The following TECPR2 variants were observed in gnomAD, a reference collection of about 807,000 sequenced individuals.
The protein encoded by TECPR2 is tectonin beta-propeller repeat-containing protein 2.
A neutral mutation model predicts 138.1 loss-of-function variants in TECPR2; 65 were observed. The observed-to-expected ratio is 0.47, with a 90% confidence interval of 0.39 to 0.58. The LOEUF is 0.58. TECPR2 is among the 20% of genes least tolerant of loss of function. The pLI is 0.00. For missense variants in TECPR2, 1,553 were observed against 1,824.5 expected (o/e 0.85, Z 2.71); for synonymous variants, 746 against 749.8 (o/e 0.99, Z 0.08).
chr14:102,376,957 T>A lies in TECPR2; in HGVS notation c.219+17T>A. 6.2e-7 allele frequency: 1 copy of A among 1,604,238 alleles called. No individual in the cohort carries two copies. The highest frequency in any genetic ancestry group is 8.5e-7 in the Non-Finnish European group (1 of 1,176,328). ...AACTTTGAGGTGAGCCTTGCTTTGC[T>A]TTTCACCTGAGGGGGCACGAGCCAT... On this transcript the variant is annotated intron_variant, in intron 2 of 19. Coordinates refer to ENST00000359520, the MANE Select transcript of TECPR2 (RefSeq NM_014844.5).
chr14:102,408,783 C>T (rs1305402005), intron 4 of TECPR2, among the ~76,000 whole-genome samples, 164 bp downstream of exon 4: 2 of 152,216 alleles, frequency 1.3e-5, no homozygotes, highest in East Asian at 1.9e-4. Context: ...GTTTTATAAG[C>T]TTCCACTTCT....
intron 16 of TECPR2, among the ~76,000 whole-genome samples, chr14:102,463,796 C>T (rs890702682): frequency 4.6e-5 from 7 of 151,104 alleles, no homozygotes; most frequent in East Asian, 2.0e-4. Flanking sequence ...TGGTGGCACG[C>T]GCCTGTAATC....
intron 17 of TECPR2, among the ~76,000 whole-genome samples, chr14:102,470,929 C>T (rs1444781596): frequency 3.3e-5 from 5 of 151,984 alleles, no homozygotes; most frequent in Admixed American, 6.6e-5. Flanking sequence ...AGCAGTTCTC[C>T]TGCCTCAGCC....
At chr14:102,466,278 C>T (rs1435594140) in intron 17 of TECPR2, among the ~76,000 whole-genome samples, 1 of 152,140 alleles carries the variant, frequency 6.6e-6, no homozygotes, top group Non-Finnish European at 1.5e-5. Flanking sequence ...CACAGGGAGG[C>T]TTCTCGTCCT....
intron 11 of TECPR2, among the ~76,000 whole-genome samples, chr14:102,442,562 G>A (rs1283915383): frequency 1.3e-5 from 2 of 152,216 alleles, no homozygotes; most frequent in African/African-American, 2.4e-5. Flanking sequence ...GGTGAGGAGC[G>A]AGTGACCTCT....
intron 17 of TECPR2, among the ~76,000 whole-genome samples, chr14:102,484,816 C>G (rs965260987): frequency 3.9e-5 from 6 of 152,162 alleles, no homozygotes; most frequent in African/African-American, 1.4e-4. Flanking sequence ...TGCCACCATG[C>G]CTGGCTAATT....
At chr14:102,454,869 G>A (rs1024211851) in intron 16 of TECPR2, among the ~76,000 whole-genome samples, 45 of 152,208 alleles carry the variant, frequency 3.0e-4, no homozygotes, top group African/African-American at 9.4e-4. Flanking sequence ...CTGCTGCACC[G>A]TGGTGGGATT....
chr14:102,365,684 AGAG>A (rs1275561149), intron 1 of TECPR2, among the ~76,000 whole-genome samples: 13 of 152,344 alleles, frequency 8.5e-5, no homozygotes, highest in African/African-American at 2.4e-4. Context: ...CTGTAGACAG[AGAG>A]GAGATCAGTG....
chr14:102,445,587 A>G lies in TECPR2; in HGVS notation c.2934-219A>G, dbSNP rs1889952791. On this transcript the variant is annotated intron_variant, in intron 12 of 19. Transcript: ENST00000359520. ...GTGTTCCCAGCCATTCTGGGTCATC[A>G]GTGTGTCTTTCAAAAGCTGCCACCC... 1.3e-5 allele frequency among the ~76,000 whole-genome samples: 2 copies of G among 152,026 alleles called. 1 individual carries two copies. The highest frequency in any genetic ancestry group is 4.2e-4 in the South Asian group (2 of 4,814).
chr14:102,422,057 AG>A (rs1266825612), intron 5 of TECPR2, among the ~76,000 whole-genome samples: 2 of 151,670 alleles, frequency 1.3e-5, no homozygotes, highest in Non-Finnish European at 2.9e-5. Context: ...ACGTTTAAAA[AG>A]CTTGAAGTTG....
chr14:102,408,083 C>T (rs1392976950), intron 3 of TECPR2, among the ~76,000 whole-genome samples: 2 of 151,484 alleles, frequency 1.3e-5, no homozygotes, highest in South Asian at 2.1e-4. Context: ...GCAGGAGAAT[C>T]ACTTGAACCC....
chr14:102,495,276 G>A (rs1030708461), intron 17 of TECPR2, among the ~76,000 whole-genome samples: 34 of 152,126 alleles, frequency 2.2e-4, no homozygotes, highest in African/African-American at 7.2e-4. Flanking sequence ...GAGGGAGGGG[G>A]TGGCCCTGTG....
rs1432842394 is a variant in TECPR2, at chr14:102,500,596, G to A, written c.*2339G>A. The A allele has an allele frequency of 6.6e-6, 1 of 152,288 alleles. No homozygotes were observed. Among genetic ancestry groups the A allele is most frequent in the Non-Finnish European group, 1.5e-5 (1 of 68,066 alleles). 9.4% of individuals were successfully genotyped at this position (152,288 alleles called of 1,614,324 possible). A position where few individuals can be genotyped will look rare whatever the true frequency, so the allele number is the denominator to read the frequency against. On this transcript the variant is annotated 3_prime_UTR_variant, in exon 20 of 20. Coordinates refer to ENST00000359520, the MANE Select transcript of TECPR2 (RefSeq NM_014844.5). Reference sequence around the variant, plus strand: ...CAGGACACACCATGTGCCAGGAAATGACCTCAGCAAGAAACCTCAGGCCGT... The same window carrying A: ...CAGGACACACCATGTGCCAGGAAATAACCTCAGCAAGAAACCTCAGGCCGT...
intron 2 of TECPR2, among the ~76,000 whole-genome samples, chr14:102,388,204 C>A (rs1197555050): frequency 6.6e-6 from 1 of 152,180 alleles, no homozygotes; most frequent in Non-Finnish European, 1.5e-5. Context: ...TTGTTGATAA[C>A]ATTACCATAC....
intron 16 of TECPR2, among the ~76,000 whole-genome samples, chr14:102,459,010 C>T (rs1300823181): frequency 1.3e-5 from 2 of 148,986 alleles, no homozygotes; most frequent in Admixed American, 1.3e-4. Flanking sequence ...GTTTGACTCA[C>T]ATTATTTTTG....
At chr14:102,478,003 A>G (rs1353121372) in intron 17 of TECPR2, among the ~76,000 whole-genome samples, 2 of 140,600 alleles carry the variant, frequency 1.4e-5, no homozygotes, top group Non-Finnish European at 3.0e-5. Context: ...TGATCTGCCC[A>G]CCTCCCAAAG....
At position 102,452,520 on chromosome 14, in the gene TECPR2, A is replaced by T; in HGVS notation, c.3533A>T (p.Gln1178Leu). 6.2e-7 allele frequency: 1 copy of T among 1,612,700 alleles called. No homozygotes were observed. Among genetic ancestry groups the T allele is most frequent in the Non-Finnish European group, 8.5e-7 (1 of 1,179,752 alleles). The change falls in exon 16 of 20, where the codon CAG becomes CTG. Residue 1178 changes from glutamine to leucine, a missense_variant. Physicochemically the swap from Gln to Leu is moderately radical, Grantham distance 113. Transcript: ENST00000359520. ...GAGATGCGCGCCTATGCCGCCTGCC[A>T]GGATGCGCTGTGGGCGCTGGACAGC... Reference protein sequence around the residue: ...EAEMRAYAACQDALWALDSLG... With the variant: ...EAEMRAYAACLDALWALDSLG...
At chr14:102,389,151 A>G (rs1175348659) in intron 2 of TECPR2, among the ~76,000 whole-genome samples, 2 of 149,952 alleles carry the variant, frequency 1.3e-5, no homozygotes, top group African/African-American at 4.9e-5. Flanking sequence ...AAATAAATAA[A>G]TAAATAAATA....
At position 102,434,623 on chromosome 14, in the gene TECPR2, T is replaced by A; in HGVS notation, c.1806T>A (p.Cys602Ter). 1 of 1,588,114 alleles carries A rather than the reference T, an allele frequency of 6.3e-7. No homozygotes were observed. The highest frequency in any genetic ancestry group is 8.6e-7 in the Non-Finnish European group (1 of 1,163,302). ...SDVTGLGDEP[C>*]PADDGPNSTQ... ...TCACGGGACTCGGAGATGAGCCGTG[T>A]CCTGCAGATGATGGACCAAATAGCA... Residue 602 changes from cysteine (C) to a stop codon, truncating the protein, a stop_gained, in exon 9 of 20, where the codon TGT (cysteine) becomes TGA (stop). Transcript: ENST00000359520. LOFTEE classifies it high-confidence loss of function.
Sources: gnomAD v4.1 joint callset for allele counts (sites outside exome capture counted in the v4.1 genomes callset) on GRCh38, gnomAD v4.1.1 for gene constraint, MANE v1.5 for transcripts, NCBI Gene and HGNC (gene_info 2026-07-23, HGNC 2026-07-21) for gene names.